CAMK1D: variants seen among roughly 807,000 people sequenced by gnomAD.
CAMK1D encodes calcium/calmodulin-dependent protein kinase type 1D.
Under a neutral mutation model 47.7 loss-of-function variants are expected in CAMK1D, and 9 were observed. The ratio of observed to expected loss-of-function variants is 0.19; its 90% confidence interval spans 0.11 to 0.33. The LOEUF is 0.33. Ranked by LOEUF, CAMK1D falls within the 10% of genes least tolerant of loss-of-function variation. CAMK1D has a pLI of 1.00. For synonymous variants in CAMK1D, 184 were observed against 184.9 expected (o/e 0.99, Z 0.04); for missense variants, 291 against 488.7 (o/e 0.60, Z 3.81).
intron 1 of CAMK1D, among the ~76,000 whole-genome samples, chr10:12,455,825 G>C (rs1303752145): frequency 6.6e-6 from 1 of 152,156 alleles, no homozygotes; most frequent in African/African-American, 2.4e-5. Context: ...TGCTGTCCGT[G>C]CCAAATGATT....
chr10:12,525,319 C>T (rs1396567194), intron 1 of CAMK1D, among the ~76,000 whole-genome samples: 1 of 151,974 alleles, frequency 6.6e-6, no homozygotes, highest in Non-Finnish European at 1.5e-5. Context: ...TATTTTTTTT[C>T]TGTACCAATC....
At chr10:12,521,910 G>C (rs961012967) in intron 1 of CAMK1D, among the ~76,000 whole-genome samples, 1 of 151,838 alleles carries the variant, frequency 6.6e-6, no homozygotes, top group African/African-American at 2.4e-5. Context: ...CTTTTGGTTA[G>C]TATGCATGAT....
At chr10:12,387,409 A>T (rs371581762) in intron 1 of CAMK1D, among the ~76,000 whole-genome samples, 4 of 38,002 alleles carry the variant, frequency 1.1e-4, no homozygotes, top group Admixed American at 4.7e-4. Flanking sequence ...TTTATATATT[A>T]TATATATTTT....
chr10:12,794,056 C>A (rs1259421234), intron 6 of CAMK1D, among the ~76,000 whole-genome samples: 1 of 152,140 alleles, frequency 6.6e-6, no homozygotes, highest in South Asian at 2.1e-4. Context: ...ATTATCCCAG[C>A]CACTCTGAAG....
chr10:12,802,803 A>T (rs1480844169), intron 6 of CAMK1D, among the ~76,000 whole-genome samples: 2 of 152,210 alleles, frequency 1.3e-5, no homozygotes, highest in Admixed American at 1.3e-4. Context: ...TACAGGCGTG[A>T]GTCCCCGCCC....
intron 2 of CAMK1D, among the ~76,000 whole-genome samples, chr10:12,636,586 C>T (rs539759816): frequency 9.2e-5 from 14 of 152,312 alleles, no homozygotes; most frequent in South Asian, 4.1e-4. Flanking sequence ...CCTCAGCCTC[C>T]CAAAGTGCTG....
At chr10:12,393,283 G>A (rs11257768) in intron 1 of CAMK1D, among the ~76,000 whole-genome samples, 18,115 of 152,004 alleles carry the variant, frequency 0.12, 1,262 homozygotes, top group South Asian at 0.17. Context: ...CGCACGCCTC[G>A]GCCTCCCAAA....
chr10:12,806,341 A>G (rs1242133026), intron 6 of CAMK1D, among the ~76,000 whole-genome samples: 1 of 152,226 alleles, frequency 6.6e-6, no homozygotes, highest in Non-Finnish European at 1.5e-5. Flanking sequence ...CTTTGGTGAC[A>G]GCCAGAGGAG....
At chr10:12,812,356 C>G (rs1218158349) in intron 6 of CAMK1D, among the ~76,000 whole-genome samples, 1 of 152,212 alleles carries the variant, frequency 6.6e-6, no homozygotes, top group Non-Finnish European at 1.5e-5. Flanking sequence ...TGGCTCACAC[C>G]TGTAATCCCA....
intron 6 of CAMK1D, 146 bp from the exon 7 acceptor site, chr10:12,814,049 A>T (rs1185924100): frequency 1.8e-6 from 1 of 557,212 alleles, no homozygotes; most frequent in Non-Finnish European, 3.2e-6. Context: ...TTGGCCTCCC[A>T]AATTGCTGGG....
intron 1 of CAMK1D, among the ~76,000 whole-genome samples, chr10:12,395,744 C>T (rs1229338827): frequency 3.3e-5 from 5 of 150,044 alleles, no homozygotes; most frequent in Admixed American, 6.6e-5. Flanking sequence ...GTGAAAAATA[C>T]AAAAATTAGC....
At chr10:12,600,114 A>C (rs191056027) in intron 2 of CAMK1D, among the ~76,000 whole-genome samples, 17 of 152,254 alleles carry the variant, frequency 1.1e-4, no homozygotes, top group Non-Finnish European at 2.1e-4. Flanking sequence ...CAAATTACGA[A>C]GAGAGAGGGA....
At chr10:12,806,106 T>G (rs932624430) in intron 6 of CAMK1D, among the ~76,000 whole-genome samples, 1 of 152,178 alleles carries the variant, frequency 6.6e-6, no homozygotes, top group African/African-American at 2.4e-5. Context: ...AGAGCAGCCC[T>G]GGGCACAGAG....
chr10:12,558,414 C>T (rs1031913903), intron 2 of CAMK1D, among the ~76,000 whole-genome samples: 2 of 151,992 alleles, frequency 1.3e-5, no homozygotes, highest in African/African-American at 4.8e-5. Context: ...ATTAGCTGAG[C>T]GTTGTGGCGC....
intron 1 of CAMK1D, among the ~76,000 whole-genome samples, chr10:12,355,282 T>C (rs1466802356): frequency 6.6e-6 from 1 of 152,146 alleles, no homozygotes; most frequent in African/African-American, 2.4e-5. Flanking sequence ...AGGAAGACTA[T>C]AAATAGAAAC....
chr10:12,484,939 C>T (rs1185239436), intron 1 of CAMK1D, among the ~76,000 whole-genome samples: 2 of 152,176 alleles, frequency 1.3e-5, no homozygotes, highest in Non-Finnish European at 2.9e-5. Context: ...TTACTGGCTT[C>T]TTCCCTTCTC....
chr10:12,760,176 G>A (rs1836434098), intron 3 of CAMK1D, among the ~76,000 whole-genome samples: 2 of 152,318 alleles, frequency 1.3e-5, no homozygotes, highest in South Asian at 4.1e-4. Flanking sequence ...AAAGGTGCCA[G>A]AGAGGTTGCC....
At position 12,760,844 on chromosome 10, in the gene CAMK1D, G is replaced by A. The variant is rs1836469170; in HGVS notation, c.300-104G>A. 4 of 1,272,690 alleles carry A rather than the reference G, an allele frequency of 3.1e-6. No homozygotes were observed. The East Asian group carries it at 9.4e-5, about 30-fold the overall frequency. The allele number at this position is 1,272,690 out of a possible 1,614,324, so 78.8% of individuals were successfully genotyped here. A position where few individuals can be genotyped will look rare whatever the true frequency, so the allele number is the denominator to read the frequency against. Reference sequence around the variant, plus strand: ...GGGGGCAACATCTCAATCTGAAGATGGATTCATTTTTGCAATAAAGTTTGG... The same window carrying A: ...GGGGGCAACATCTCAATCTGAAGATAGATTCATTTTTGCAATAAAGTTTGG... On this transcript the variant is annotated intron_variant, in intron 3 of 10. Coordinates refer to ENST00000619168, the MANE Select transcript of CAMK1D (RefSeq NM_153498.4).
chr10:12,808,533 T>C (rs1832460958), intron 6 of CAMK1D, among the ~76,000 whole-genome samples: 1 of 152,206 alleles, frequency 6.6e-6, no homozygotes, highest in Non-Finnish European at 1.5e-5. Context: ...ACAGCAGCAC[T>C]TTGGGAGGCC....
Sources: allele counts gnomAD v4.1 joint callset (sites outside exome capture counted in the v4.1 genomes callset), GRCh38; gene constraint gnomAD v4.1.1; transcripts MANE v1.5; gene names NCBI Gene and HGNC (gene_info 2026-07-23, HGNC 2026-07-21).